The following AKAP19 variants were observed in gnomAD, a reference collection of about 807,000 sequenced individuals.
AKAP19 encodes A-kinase anchoring protein 19, also known as small A-kinase anchoring protein.
chr2:190,072,569 C>A, the AKAP19 span, among the ~76,000 whole-genome samples: 1 of 152,042 alleles, frequency 6.6e-6, no homozygotes, highest in Non-Finnish European at 1.5e-5. Context: ...AATGAAAAAT[C>A]AATCTTATTT....
At chr2:190,140,413 G>T in the AKAP19 span, among the ~76,000 whole-genome samples, 1 of 152,204 alleles carries the variant, frequency 6.6e-6, no homozygotes, top group Non-Finnish European at 1.5e-5. Flanking sequence ...CCTAGGAGAG[G>T]TTCTCCACAA....
At chr2:189,953,573 G>T in the AKAP19 span, among the ~76,000 whole-genome samples, 14 of 145,700 alleles carry the variant, frequency 9.6e-5, no homozygotes, top group Admixed American at 9.7e-4. Context: ...GGCGGAAGTT[G>T]CAGTGAGCCC....
chr2:190,013,924 A>G, the AKAP19 span, among the ~76,000 whole-genome samples: 1 of 151,664 alleles, frequency 6.6e-6, no homozygotes, highest in Admixed American at 6.6e-5. Flanking sequence ...TCTAATTTCT[A>G]TTTCTTTTAT....
chr2:189,931,741 C>T, the AKAP19 span, among the ~76,000 whole-genome samples: 29 of 152,188 alleles, frequency 1.9e-4, no homozygotes, highest in East Asian at 5.6e-3. Context: ...ACCTCAGCCT[C>T]CCAAGTAGCT....
chr2:190,101,126 A>G, the AKAP19 span, among the ~76,000 whole-genome samples: 1 of 152,218 alleles, frequency 6.6e-6, no homozygotes, highest in Non-Finnish European at 1.5e-5. Context: ...AAAGTCAGCC[A>G]TTCTTTGGCA....
the AKAP19 span, among the ~76,000 whole-genome samples, chr2:189,911,685 G>A: frequency 6.6e-6 from 1 of 152,018 alleles, no homozygotes; most frequent in Non-Finnish European, 1.5e-5. Context: ...CATCTATCCT[G>A]TAGTTTCTTT....
chr2:189,950,327 CTTTTTTGT>C, the AKAP19 span, among the ~76,000 whole-genome samples: 1 of 108,104 alleles, frequency 9.3e-6, no homozygotes, highest in African/African-American at 3.1e-5. Context: ...GGCGCCCAGC[CTTTTTTGT>C]TTTTTTTTTT....
the AKAP19 span, among the ~76,000 whole-genome samples, chr2:190,164,994 A>T: frequency 6.6e-6 from 1 of 152,234 alleles, no homozygotes; most frequent in Non-Finnish European, 1.5e-5. Flanking sequence ...TATTAGCTTT[A>T]GGTGATAATA....
At chr2:190,008,204 C>T in the AKAP19 span, among the ~76,000 whole-genome samples, 10 of 152,128 alleles carry the variant, frequency 6.6e-5, no homozygotes, top group Admixed American at 1.3e-4. Context: ...AGATTTTCAC[C>T]TAATTTCTTT....
chr2:189,994,630 A>T, the AKAP19 span, among the ~76,000 whole-genome samples: 1 of 151,574 alleles, frequency 6.6e-6, no homozygotes, highest in Admixed American at 6.6e-5. Context: ...ATGGAGTCTC[A>T]TTCTGTCACC....
the AKAP19 span, among the ~76,000 whole-genome samples, chr2:190,015,735 A>C: frequency 0.2 from 31,064 of 152,148 alleles, 3,408 homozygotes; most frequent in African/African-American, 0.29. Flanking sequence ...TTCCAGTTTC[A>C]AACCATCTCT....
At chr2:189,928,815 CATAAA>C in the AKAP19 span, among the ~76,000 whole-genome samples, 3 of 152,076 alleles carry the variant, frequency 2.0e-5, no homozygotes, top group Admixed American at 1.3e-4. Context: ...TGCAGCTCAA[CATAAA>C]ATAATAAGAA....
At chr2:189,976,426 G>A in the AKAP19 span, among the ~76,000 whole-genome samples, 1 of 152,212 alleles carries the variant, frequency 6.6e-6, no homozygotes, top group Admixed American at 6.5e-5. Flanking sequence ...CAGGGGTCAG[G>A]GACCCACTTG....
At chr2:190,061,041 G>T in the AKAP19 span, among the ~76,000 whole-genome samples, 10 of 152,046 alleles carry the variant, frequency 6.6e-5, no homozygotes, top group Non-Finnish European at 1.0e-4. Flanking sequence ...TGAAAAGTTC[G>T]AAAGTATTGT....
the AKAP19 span, among the ~76,000 whole-genome samples, chr2:189,956,461 A>G: frequency 8.6e-5 from 13 of 152,004 alleles, no homozygotes; most frequent in African/African-American, 2.4e-4. Context: ...GAGCCACCGC[A>G]CCCGGCCTAC....
the AKAP19 span, among the ~76,000 whole-genome samples, chr2:190,012,314 A>AGG: frequency 6.6e-6 from 1 of 152,194 alleles, no homozygotes; most frequent in Non-Finnish European, 1.5e-5. Flanking sequence ...TTGTACAGAC[A>AGG]GTTTTGCATA....
the AKAP19 span, among the ~76,000 whole-genome samples, chr2:190,145,147 C>T: frequency 1.3e-5 from 2 of 152,022 alleles, no homozygotes; most frequent in South Asian, 4.1e-4. Flanking sequence ...ATTAGCCAGA[C>T]GTGGTAGCCC....
the AKAP19 span, among the ~76,000 whole-genome samples, chr2:190,097,084 G>T: frequency 6.6e-6 from 1 of 152,022 alleles, no homozygotes; most frequent in Non-Finnish European, 1.5e-5. Flanking sequence ...CAAATTTTAA[G>T]TTCAGGTGTA....
the AKAP19 span, among the ~76,000 whole-genome samples, chr2:189,948,231 C>T: frequency 6.6e-6 from 1 of 152,000 alleles, no homozygotes; most frequent in African/African-American, 2.4e-5. Context: ...ATTTTAACTT[C>T]TTAGAGGGTC....
Sources: gnomAD v4.1 joint callset for allele counts (sites outside exome capture counted in the v4.1 genomes callset) on GRCh38, gnomAD v4.1.1 for gene constraint, MANE v1.5 for transcripts, NCBI Gene and HGNC (gene_info 2026-07-23, HGNC 2026-07-21) for gene names.